TRMT44: variants seen among roughly 807,000 people sequenced by gnomAD.
The protein encoded by TRMT44 is tRNA methyltransferase 44 homolog, also known as probable tRNA (uracil-O(2)-)-methyltransferase.
Under a neutral mutation model 77.3 loss-of-function variants are expected in TRMT44, and 78 were observed. The observed-to-expected ratio is 1.01, with a 90% CI of 0.84 to 1.22. The LOEUF is 1.22. TRMT44 is among the 50% of genes most tolerant of loss of function. The pLI is 0.00. For synonymous variants in TRMT44, 391 were observed against 383.3 expected (o/e 1.02, Z -0.23); for missense variants, 1,090 against 964.4 (o/e 1.13, Z -1.73).
At chr4:8,505,330 G>C in the TRMT44 span, among the ~76,000 whole-genome samples, 1 of 152,220 alleles carries the variant, frequency 6.6e-6, no homozygotes, top group East Asian at 1.9e-4. Flanking sequence ...ACTGAGGCCA[G>C]ATGCAGGGAG....
downstream of TRMT44, among the ~76,000 whole-genome samples, chr4:8,480,100 T>A (rs1727566784): frequency 6.6e-6 from 1 of 152,072 alleles, no homozygotes; most frequent in African/African-American, 2.4e-5. Flanking sequence ...GTGGCGAATA[T>A]TTGAGTTGTC....
chr4:8,511,978 T>G, the TRMT44 span: 1 of 152,232 alleles, frequency 6.6e-6, no homozygotes, highest in Non-Finnish European at 1.5e-5. Flanking sequence ...ATCCCTGCAA[T>G]AGATCCCTTT....
the TRMT44 span, among the ~76,000 whole-genome samples, chr4:8,507,815 G>A: frequency 2.6e-5 from 4 of 152,290 alleles, no homozygotes; most frequent in East Asian, 1.9e-4. Flanking sequence ...TGACAGATCC[G>A]GCAGCAGGCA....
the TRMT44 span, among the ~76,000 whole-genome samples, chr4:8,514,446 G>T: frequency 6.6e-6 from 1 of 151,744 alleles, no homozygotes; most frequent in Admixed American, 6.6e-5. Context: ...GCTCATTTTT[G>T]TATTTTTTTT....
At chr4:8,497,656 A>G (rs752391715), downstream of TRMT44, among the ~76,000 whole-genome samples, 6 of 151,930 alleles carry the variant, frequency 3.9e-5, no homozygotes, top group Non-Finnish European at 5.9e-5. Context: ...AAAACAAACA[A>G]ACAAACAAAA....
intron 10 of TRMT44, among the ~76,000 whole-genome samples, chr4:8,473,934 G>A (rs1206684999): frequency 2.6e-5 from 4 of 152,114 alleles, no homozygotes; most frequent in African/African-American, 9.7e-5. Flanking sequence ...TGCGCCGTTC[G>A]GGAGCCTCAT....
intron 8 of TRMT44, among the ~76,000 whole-genome samples, chr4:8,467,633 A>C (rs1160327320): frequency 6.6e-6 from 1 of 152,160 alleles, no homozygotes; most frequent in African/African-American, 2.4e-5. Flanking sequence ...GGTGAGGGCC[A>C]CCACGCCCGG....
Position 8,465,477 on chromosome 4 carries a change from A to G in TRMT44, c.1410A>G (p.Glu470=). ...AGAGTAAGAAGACTCAGTACCGGGA[A>G]TACCTTGACTTCATTAAAGAAGTGG... ...RRQSKKTQYR[E]YLDFIKEVGF... The change falls in exon 8 of 11, where the codon GAA becomes GAG. Residue 470 remains glutamate (E), a synonymous_variant. Transcript: ENST00000389737. 1 of 1,614,180 alleles carries G rather than the reference A, an allele frequency of 6.2e-7. No individual in the cohort carries two copies. Among genetic ancestry groups the G allele is most frequent in the Non-Finnish European group, 8.5e-7 (1 of 1,180,014 alleles).
At chr4:8,510,801 C>T in the TRMT44 span, 1 of 152,196 alleles carries the variant, frequency 6.6e-6, no homozygotes, top group Non-Finnish European at 1.5e-5. Flanking sequence ...AGGAGGGAGT[C>T]GTGGGGTGGA....
chr4:8,488,095 G>A (rs370201038), intron 2 of TRMT44, among the ~76,000 whole-genome samples: 2 of 152,160 alleles, frequency 1.3e-5, no homozygotes, highest in African/African-American at 4.8e-5. Context: ...GGAGAAGAGA[G>A]TAAAAAGAGG....
In TRMT44 at chr4:8,446,534, A is replaced by C. The variant is rs1397743187; in HGVS notation, c.678A>C (p.Leu226=). The change falls in exon 2 of 11, where the codon CTA becomes CTC. Residue 226 remains leucine (L), a synonymous_variant. Transcript: ENST00000389737. The surrounding 1 kb of genome is among the most constrained non-coding windows in gnomAD (Gnocchi z 4.3). ...LPLEEDDEGN[L]KVKMSNVYQI... Reference sequence around the variant, plus strand: ...TGGAAGAAGATGATGAGGGGAACCTAAAGGTTAAGATGAGCAATGTGTATC... The same window carrying C: ...TGGAAGAAGATGATGAGGGGAACCTCAAGGTTAAGATGAGCAATGTGTATC... 6.5e-7 allele frequency: 1 copy of C among 1,536,488 alleles called. No individual in the cohort carries two copies. Among genetic ancestry groups the C allele is most frequent in the Non-Finnish European group, 8.7e-7 (1 of 1,146,952 alleles).
intron 7 of TRMT44, among the ~76,000 whole-genome samples, chr4:8,465,165 C>T (rs1354147685): frequency 6.6e-6 from 1 of 152,162 alleles, no homozygotes; most frequent in Non-Finnish European, 1.5e-5. Flanking sequence ...ACCTCAGCAT[C>T]TTGCAGTACA....
At chr4:8,472,186 T>C (rs372359284) in intron 10 of TRMT44, among the ~76,000 whole-genome samples, 29 of 152,314 alleles carry the variant, frequency 1.9e-4, no homozygotes, top group African/African-American at 6.5e-4. Flanking sequence ...AGAACTGGCC[T>C]GGCCCGAGTG....
At chr4:8,460,362 C>T (rs761855896) in intron 6 of TRMT44, among the ~76,000 whole-genome samples, 2 of 152,106 alleles carry the variant, frequency 1.3e-5, no homozygotes, top group South Asian at 2.1e-4. Flanking sequence ...CAGGAATATA[C>T]AAAAGTAGAG....
chr4:8,477,367 G>T (rs1727443539), downstream of TRMT44: 1 of 152,270 alleles, frequency 6.6e-6, no homozygotes, highest in South Asian at 2.1e-4. Flanking sequence ...GCCAGGAGGT[G>T]CCTGGCCCTG....
chr4:8,510,666 G>T, the TRMT44 span: 1 of 152,518 alleles, frequency 6.6e-6, no homozygotes, highest in Non-Finnish European at 1.5e-5. Flanking sequence ...GTCAGGGGAA[G>T]AGGGCCCGGG....
chr4:8,443,641 C>T (rs1173919976), intron 1 of TRMT44, among the ~76,000 whole-genome samples: 2 of 152,160 alleles, frequency 1.3e-5, no homozygotes, highest in African/African-American at 2.4e-5. Flanking sequence ...ATGGTAAGTG[C>T]CTAATAAATG....
chr4:8,443,586 A>C (rs1724883774), intron 1 of TRMT44, among the ~76,000 whole-genome samples: 1 of 152,236 alleles, frequency 6.6e-6, no homozygotes, highest in East Asian at 1.9e-4. Flanking sequence ...GGAAGAGTTA[A>C]ATGGAATTAA....
At chr4:8,508,018 T>C in the TRMT44 span, among the ~76,000 whole-genome samples, 1 of 152,218 alleles carries the variant, frequency 6.6e-6, no homozygotes, top group African/African-American at 2.4e-5. Flanking sequence ...GTGATTCTCC[T>C]GCCTCAGCCT....
Sources: allele counts gnomAD v4.1 joint callset (sites outside exome capture counted in the v4.1 genomes callset), GRCh38; gene constraint gnomAD v4.1.1; non-coding constraint Gnocchi (gnomAD v3.1); transcripts MANE v1.5; gene names NCBI Gene and HGNC (gene_info 2026-07-23, HGNC 2026-07-21).